GSG1L: variants seen among roughly 807,000 people sequenced by gnomAD.
GSG1L encodes the protein GSG1 like, also known as germ cell-specific gene 1-like protein.
Under a neutral mutation model 42.1 loss-of-function variants are expected in GSG1L, and 24 were observed. The observed-to-expected ratio is 0.57, with a 90% CI of 0.41 to 0.80. GSG1L has a LOEUF of 0.80. Among genes scored for constraint, GSG1L ranks in the 30% least tolerant of loss-of-function variants. GSG1L has a pLI of 0.00. For synonymous variants in GSG1L, 215 were observed against 203.5 expected, an observed-to-expected ratio of 1.06 and a Z score of -0.48; for missense variants, 445 against 472.2, an observed-to-expected ratio of 0.94 and a Z score of 0.53.
At position 28,040,627 on chromosome 16, in the gene GSG1L, C is replaced by A. The variant is rs2086094520; in HGVS notation, c.349+22449G>T. On this transcript the variant is annotated intron_variant, in intron 1 of 6. Transcript: ENST00000447459. The surrounding 1 kb of genome is among the most constrained non-coding windows in gnomAD (Gnocchi z 4.1). ...TCAAGGACGGATGCCCTTCCAGCAA[C>A]CTAAGAAGAGACCCGCAGGACATGA... Among the ~76,000 whole-genome samples the A allele has an allele frequency of 6.6e-6, 1 of 152,190 alleles. No homozygotes were observed. The highest frequency in any genetic ancestry group is 1.5e-5 in the Non-Finnish European group (1 of 68,036).
intron 4 of GSG1L, among the ~76,000 whole-genome samples, chr16:27,844,511 A>G (rs2140983043): frequency 6.6e-6 from 1 of 152,220 alleles, no homozygotes; most frequent in Non-Finnish European, 1.5e-5. Flanking sequence ...TTTGTGAGCC[A>G]TTCAGTCTCT....
intron 1 of GSG1L, among the ~76,000 whole-genome samples, chr16:28,005,753 C>T (rs565500656): frequency 6.6e-6 from 1 of 152,172 alleles, no homozygotes; most frequent in South Asian, 2.1e-4. Flanking sequence ...TTCTGAGGAG[C>T]CAGGCATAGA....
chr16:27,838,735 C>A (rs75547336), intron 4 of GSG1L, among the ~76,000 whole-genome samples: 21 of 152,250 alleles, frequency 1.4e-4, no homozygotes, highest in African/African-American at 4.6e-4. Flanking sequence ...CACGGCTGGG[C>A]ACAGATGCAT....
In GSG1L at chr16:27,787,984, A is replaced by T. The variant is rs1295782291; in HGVS notation, c.*3386T>A. 2 of 136,524 alleles carry T rather than the reference A, an allele frequency of 1.5e-5. No homozygotes were observed. The highest frequency in any genetic ancestry group is 3.4e-5 in the Non-Finnish European group (2 of 58,404). The allele number at this position is 136,524 out of a possible 1,614,324, so 8.5% of individuals were successfully genotyped here. A position where few individuals can be genotyped will look rare whatever the true frequency, so the allele number is the denominator to read the frequency against. The stretch of plus-strand genomic sequence containing the variant: ...CATTTCCAGCCCCGCCTTAAGCCCC[A>T]CCTAGTAGGTCATTAATATTTACTG... On this transcript the variant is annotated 3_prime_UTR_variant, in exon 7 of 7. Transcript: ENST00000447459.
chr16:28,058,509 G>A (rs1341440165), intron 1 of GSG1L, among the ~76,000 whole-genome samples: 1 of 151,630 alleles, frequency 6.6e-6, no homozygotes, highest in Non-Finnish European at 1.5e-5. Flanking sequence ...TACACCTGTG[G>A]TCCCAGCTAC....
chr16:27,952,801 A>C (rs2084964798), intron 2 of GSG1L, among the ~76,000 whole-genome samples: 2 of 152,236 alleles, frequency 1.3e-5, no homozygotes, highest in South Asian at 4.1e-4. Flanking sequence ...CGCACACAGA[A>C]AACTGCATAT....
At chr16:28,038,558 G>A (rs1433260246) in intron 1 of GSG1L, among the ~76,000 whole-genome samples, 1 of 152,136 alleles carries the variant, frequency 6.6e-6, no homozygotes, top group Admixed American at 6.5e-5. Context: ...GCACAGGAGT[G>A]TGGAATTGGT....
chr16:27,911,266 G>GCTTGCTCT (rs1555507779), intron 2 of GSG1L, among the ~76,000 whole-genome samples: 1 of 122,058 alleles, frequency 8.2e-6, no homozygotes, highest in African/African-American at 3.5e-5. Context: ...CCTCTCTCTC[G>GCTTGCTCT]CTCTCTCTCT....
At chr16:27,912,995 T>C (rs547853756) in intron 2 of GSG1L, among the ~76,000 whole-genome samples, 1 of 151,450 alleles carries the variant, frequency 6.6e-6, no homozygotes, top group Non-Finnish European at 1.5e-5. Context: ...GTGTGTGTGT[T>C]TTTTTTTAAT....
intron 2 of GSG1L, among the ~76,000 whole-genome samples, chr16:27,927,138 T>TTTTTC (rs984266542): frequency 1.3e-5 from 2 of 151,834 alleles, no homozygotes; most frequent in African/African-American, 2.4e-5. Flanking sequence ...GGATCTTTTG[T>TTTTTC]TTTTCTTTTC....
intron 2 of GSG1L, among the ~76,000 whole-genome samples, chr16:27,913,602 T>C (rs1180025673): frequency 6.6e-6 from 1 of 152,234 alleles, no homozygotes; most frequent in African/African-American, 2.4e-5. Flanking sequence ...AATAAGATTT[T>C]ATTGGAATAC....
intron 2 of GSG1L, among the ~76,000 whole-genome samples, chr16:27,896,746 C>T (rs960707606): frequency 1.3e-5 from 2 of 152,074 alleles, no homozygotes; most frequent in African/African-American, 2.4e-5. Context: ...TGCAGTGATG[C>T]GGGGCCATGA....
At position 28,044,625 on chromosome 16, in the gene GSG1L, T is replaced by A. The variant is rs934382556; in HGVS notation, c.349+18451A>T. On this transcript the variant is annotated intron_variant, in intron 1 of 6. Coordinates refer to ENST00000447459, the MANE Select transcript of GSG1L (RefSeq NM_001109763.2). ...AAAAGACATGCAGGCAACGAATGCTTTTTTTTTTTTTTTTTTGAGGCAGAG... is the reference window on the plus strand; with the variant it reads ...AAAAGACATGCAGGCAACGAATGCTATTTTTTTTTTTTTTTTGAGGCAGAG... Among the ~76,000 whole-genome samples the A allele has an allele frequency of 4.9e-3, 464 of 93,908 alleles. 1 individual carries two copies. Among genetic ancestry groups the A allele is most frequent in the African/African-American group, 0.015 (440 of 29,280 alleles). 61.6% of individuals were successfully genotyped at this position (93,908 alleles called of 152,430 possible).
intron 1 of GSG1L, among the ~76,000 whole-genome samples, chr16:28,045,159 G>T (rs1165470507): frequency 6.6e-6 from 1 of 152,162 alleles, no homozygotes; most frequent in African/African-American, 2.4e-5. Context: ...TTACACATTT[G>T]TCCAAGCCCA....
intron 6 of GSG1L, among the ~76,000 whole-genome samples, chr16:27,800,536 C>T (rs1005516902): frequency 2.0e-5 from 3 of 152,186 alleles, no homozygotes; most frequent in Admixed American, 6.5e-5. Flanking sequence ...ACATCGCCTC[C>T]ATCAAATGTC....
At chr16:27,801,331 TAGA>T (rs996794137) in intron 6 of GSG1L, among the ~76,000 whole-genome samples, 4 of 152,190 alleles carry the variant, frequency 2.6e-5, no homozygotes, top group Admixed American at 6.5e-5. Context: ...ACTGTATTTC[TAGA>T]AGAAGAATCC....
rs776369064 is a variant in GSG1L, at chr16:28,054,975, GC to G, written c.349+8100del. Among the ~76,000 whole-genome samples the G allele has an allele frequency of 2.0e-5, 3 of 152,064 alleles. No individual in the cohort carries two copies. In the East Asian group the frequency reaches 5.8e-4, roughly 29 times the overall value. On this transcript the variant is annotated intron_variant, in intron 1 of 6. Transcript: ENST00000447459. ...TCTGGAACTACACAGCGGTTGCCCA[GC>G]CCCCGCAGGCCCCCTACTCCTTCCT...
chr16:27,917,139 T>C (rs975651878), intron 2 of GSG1L, among the ~76,000 whole-genome samples: 1 of 152,140 alleles, frequency 6.6e-6, no homozygotes, highest in Non-Finnish European at 1.5e-5. Context: ...GGTGGCCCAA[T>C]ATAATTTGCG....
rs973949471 is a variant in GSG1L at position 27,796,201 on chromosome 16, G to T, written c.899-4734C>A. Among the ~76,000 whole-genome samples, 8 of 152,180 alleles carry T rather than the reference G, an allele frequency of 5.3e-5. No individual in the cohort carries two copies. The East Asian group carries it at 1.2e-3, about 22-fold the overall frequency. On this transcript the variant is annotated intron_variant, in intron 6 of 6. Coordinates refer to ENST00000447459, the MANE Select transcript of GSG1L (RefSeq NM_001109763.2). ...CAATCACCCAGCCGCTGTCCGAGGT[G>T]CTGAAAGCCTCTCTCTATAGGACTC... is the stretch of plus-strand genomic sequence containing the variant.
Sources: allele counts gnomAD v4.1 joint callset (sites outside exome capture counted in the v4.1 genomes callset), GRCh38; gene constraint gnomAD v4.1.1; non-coding constraint Gnocchi (gnomAD v3.1); transcripts MANE v1.5; gene names NCBI Gene and HGNC (gene_info 2026-07-23, HGNC 2026-07-21).